C3orf22: variants seen among roughly 807,000 people sequenced by gnomAD.
C3orf22 encodes the protein uncharacterized protein C3orf22.
In C3orf22, 7 loss-of-function variants were observed where a neutral mutation model predicts 10.8. The ratio of observed to expected loss-of-function variants is 0.65; its 90% confidence interval spans 0.37 to 1.22. The LOEUF (loss-of-function observed/expected upper bound fraction) is 1.22. Among genes scored for constraint, C3orf22 ranks in the 50% most tolerant of loss-of-function variants. The probability of loss-of-function intolerance (pLI) is 0.02; values close to 1 mark genes in which losing one functional copy is unlikely to be tolerated. For synonymous variants in C3orf22, 79 were observed against 78.9 expected, an observed-to-expected ratio of 1.00 and a Z score of 0.00; for missense variants, 173 against 177.0, an observed-to-expected ratio of 0.98 and a Z score of 0.13.
At chr3:126,533,050 T>A (rs1246020297) in intron 4 of C3orf22, among the ~76,000 whole-genome samples, 1 of 152,240 alleles carries the variant, frequency 6.6e-6, no homozygotes, top group African/African-American at 2.4e-5. Flanking sequence ...TGCTAGTATA[T>A]AGAATATAAT....
At chr3:126,536,179 G>C in intron 4 of C3orf22, 4 of 991,700 alleles carry the variant, frequency 4.0e-6, no homozygotes, top group Non-Finnish European at 6.3e-6. Context: ...TGCCAGAGGT[G>C]GGTCAAATGT....
intron 4 of C3orf22, among the ~76,000 whole-genome samples, chr3:126,541,471 A>C (rs1936954799): frequency 6.6e-6 from 1 of 152,184 alleles, no homozygotes. Flanking sequence ...TCCTCCTCTG[A>C]GTGCCCCACG....
intron 4 of C3orf22, among the ~76,000 whole-genome samples, chr3:126,539,790 ACCACAGACACCAC>A: frequency 3.8e-5 from 1 of 26,280 alleles, no homozygotes; most frequent in South Asian, 1.2e-3. Flanking sequence ...CACACCACAC[ACCACAGACACCAC>A]ACCACACACC....
At chr3:126,542,274 A>G (rs762369449) in intron 4 of C3orf22, 2 of 1,562,018 alleles carry the variant, frequency 1.3e-6, no homozygotes, top group Admixed American at 3.5e-5. Flanking sequence ...CGGCGTGAGG[A>G]GCCCTTCAAC....
intron 4 of C3orf22, chr3:126,541,881 G>T: frequency 6.3e-7 from 1 of 1,599,706 alleles, no homozygotes; most frequent in East Asian, 2.3e-5. Flanking sequence ...CTGCTCTACT[G>T]CTACGTGCCC....
chr3:126,537,035 C>A (rs2363032), intron 4 of C3orf22, among the ~76,000 whole-genome samples: 5 of 152,012 alleles, frequency 3.3e-5, no homozygotes, highest in Non-Finnish European at 7.4e-5. Context: ...GGTCCCTCCC[C>A]TAGTGGAGCC....
intron 4 of C3orf22, chr3:126,542,404 C>T (rs373737256): frequency 1.9e-6 from 3 of 1,553,714 alleles, no homozygotes; most frequent in East Asian, 2.5e-5. Context: ...CGGGCGCATC[C>T]GACCTGAGCT....
At chr3:126,555,051 C>G (rs777556579) in intron 1 of C3orf22, among the ~76,000 whole-genome samples, 2 of 152,236 alleles carry the variant, frequency 1.3e-5, no homozygotes, top group Non-Finnish European at 2.9e-5. Context: ...TAACTGTGAA[C>G]GGCTAGCTGC....
chr3:126,556,450 CT>C (rs1189740489), intron 1 of C3orf22, among the ~76,000 whole-genome samples: 1 of 152,066 alleles, frequency 6.6e-6, no homozygotes, highest in Non-Finnish European at 1.5e-5. Flanking sequence ...CCACATCCCA[CT>C]TTCCTCTCAG....
intron 2 of C3orf22, 146 bp from the exon 3 acceptor site, chr3:126,552,268 T>C: frequency 7.8e-7 from 1 of 1,289,428 alleles, no homozygotes. Context: ...AAGCATGCTG[T>C]GAGGCAGGTG....
intron 4 of C3orf22, among the ~76,000 whole-genome samples, chr3:126,530,300 C>T (rs1463680522): frequency 6.6e-6 from 1 of 152,252 alleles, no homozygotes; most frequent in African/African-American, 2.4e-5. Context: ...CCACTGGCCC[C>T]TGGGGGCTGT....
rs571272371 is a variant in C3orf22, at chr3:126,552,042, G to A, written c.170C>T (p.Pro57Leu). ...CGTTGGCACCAACCTCTTCTGCAGG[G>A]GCAGCTGCACCGTGTTCGAGTCGTT... ...VTNDSNTVQLPLQKRLVPTRS... is the reference protein window; with the variant it reads ...VTNDSNTVQLLLQKRLVPTRS... The change falls in exon 3 of 4, where the codon CCC (proline) becomes CTC (leucine). Residue 57 changes from proline to leucine, a missense_variant. By Grantham distance (98) the Pro-to-Leu change is moderately conservative (BLOSUM62 -3). Transcript: ENST00000318225. 6.8e-6 allele frequency: 11 copies of A among 1,613,662 alleles called. No homozygotes were observed. The highest frequency in any genetic ancestry group is 1.7e-5 in the Admixed American group (1 of 59,946).
chr3:126,558,813 G>A lies in C3orf22; in HGVS notation c.-227C>T, dbSNP rs1937414638. On this transcript the variant is annotated 5_prime_UTR_variant, in exon 1 of 4. Coordinates refer to ENST00000318225, the MANE Select transcript of C3orf22 (RefSeq NM_152533.3). ...TATGCCCAGAGCTTCCAGCCAGAAA[G>A]GACAAGCTGCAGGACCCTGTGGGCT... is the stretch of plus-strand genomic sequence containing the variant. The A allele has an allele frequency of 6.6e-6, 1 of 152,324 alleles. No homozygotes were observed. Among genetic ancestry groups the A allele is most frequent in the African/African-American group, 2.4e-5 (1 of 41,470 alleles). 9.4% of individuals were successfully genotyped at this position (152,324 alleles called of 1,614,324 possible).
Position 126,536,334 on chromosome 3 carries a change from A to G in C3orf22, c.287-6962T>C, listed in dbSNP as rs562208555. The G allele has an allele frequency of 8.7e-5, 140 of 1,613,900 alleles. 1 individual carries two copies. In the South Asian group the frequency reaches 1.5e-3, roughly 17 times the overall value. On this transcript the variant is annotated intron_variant and NMD_transcript_variant, in intron 4 of 5. Transcript: ENST00000505070. The stretch of plus-strand genomic sequence containing the variant: ...GGGGAGAAGAGAAGCCCCCTGCAGA[A>G]GCTCTATGACCTGGATCAGGTAGGT...
downstream of C3orf22, among the ~76,000 whole-genome samples, chr3:126,546,123 C>A (rs115035387): frequency 6.6e-6 from 1 of 152,180 alleles, no homozygotes; most frequent in Admixed American, 6.5e-5. Context: ...AGTTTTAGGT[C>A]GGGTGCCTCA....
chr3:126,553,557 T>C (rs1210554538), intron 1 of C3orf22, 127 bp from the exon 2 acceptor site: 8 of 638,848 alleles, frequency 1.3e-5, no homozygotes, highest in Non-Finnish European at 1.9e-5. Context: ...GCCCTGTGCA[T>C]GCACCGCTGT....
downstream of C3orf22, chr3:126,549,568 A>G (rs765198972): frequency 1.0e-5 from 11 of 1,074,416 alleles, no homozygotes; most frequent in South Asian, 1.3e-4. Context: ...ATAAAGTCCT[A>G]GAAGTGACAT....
chr3:126,539,959 CCACA>C (rs926386588), intron 4 of C3orf22, among the ~76,000 whole-genome samples: 6 of 32,916 alleles, frequency 1.8e-4, no homozygotes, highest in Admixed American at 1.3e-3. Flanking sequence ...GCCACACATG[CCACA>C]CACACACAAA....
At chr3:126,541,507 C>T (rs1271831616) in intron 4 of C3orf22, among the ~76,000 whole-genome samples, 1 of 152,226 alleles carries the variant, frequency 6.6e-6, no homozygotes, top group African/African-American at 2.4e-5. Flanking sequence ...GCGTCCTTCT[C>T]CCAGCCTCAG....
Sources: gnomAD v4.1 joint callset for allele counts (sites outside exome capture counted in the v4.1 genomes callset) on GRCh38, gnomAD v4.1.1 for gene constraint, MANE v1.5 for transcripts, NCBI Gene and HGNC (gene_info 2026-07-23, HGNC 2026-07-21) for gene names.